The following ZNF277 variants were observed in gnomAD, a reference collection of about 807,000 sequenced individuals.
ZNF277 encodes zinc finger protein 277, also known as nuclear receptor-interacting factor 4.
A neutral mutation model predicts 60.7 loss-of-function variants in ZNF277; 55 were observed. The observed-to-expected ratio is 0.91, with a 90% CI of 0.73 to 1.13. The LOEUF (loss-of-function observed/expected upper bound fraction) is 1.13, where lower values mean the gene tolerates loss of function less well. ZNF277 is among the 50% of genes most tolerant of loss of function. ZNF277 has a pLI of 0.00. For synonymous variants in ZNF277, 178 were observed against 179.3 expected (o/e 0.99, Z 0.06); for missense variants, 510 against 523.0 (o/e 0.98, Z 0.24).
chr7:112,232,066 T>C (rs866920536), intron 1 of ZNF277, among the ~76,000 whole-genome samples: 2 of 57,404 alleles, frequency 3.5e-5, no homozygotes, highest in East Asian at 5.5e-4. Flanking sequence ...TATATATATA[T>C]ATATATATAT....
chr7:112,334,001 T>G (rs939338709), intron 7 of ZNF277, among the ~76,000 whole-genome samples: 2 of 152,248 alleles, frequency 1.3e-5, no homozygotes, highest in Admixed American at 1.3e-4. Flanking sequence ...GGTTTTGCTA[T>G]GATTTTTATC....
At chr7:112,257,009 T>C (rs1401860870) in intron 1 of ZNF277, among the ~76,000 whole-genome samples, 1 of 152,182 alleles carries the variant, frequency 6.6e-6, no homozygotes. Flanking sequence ...TGGAAACATC[T>C]CAGAAAATAT....
chr7:112,210,538 C>T (rs1821715307), intron 1 of ZNF277, among the ~76,000 whole-genome samples: 1 of 147,856 alleles, frequency 6.8e-6, no homozygotes, highest in Non-Finnish European at 1.5e-5. Flanking sequence ...GTGGCACGAT[C>T]TCAGCTCACT....
At chr7:112,287,177 G>T (rs1004199650) in intron 2 of ZNF277, 103 bp downstream of exon 2, 5 of 1,177,776 alleles carry the variant, frequency 4.2e-6, no homozygotes, top group African/African-American at 1.5e-5. Flanking sequence ...AGGATCACCC[G>T]AGGCCAGTAG....
intron 1 of ZNF277, among the ~76,000 whole-genome samples, chr7:112,229,079 TG>T (rs1294269308): frequency 6.6e-6 from 1 of 152,202 alleles, no homozygotes; most frequent in Non-Finnish European, 1.5e-5. Flanking sequence ...TGTTTGTTAG[TG>T]ACATGGAAAG....
At chr7:112,230,165 G>A (rs1211156697) in intron 1 of ZNF277, among the ~76,000 whole-genome samples, 2 of 151,972 alleles carry the variant, frequency 1.3e-5, no homozygotes, top group African/African-American at 2.4e-5. Context: ...AGTGGCTCAC[G>A]CCTGTAATCT....
chr7:112,338,741 T>C (rs1311364864), intron 9 of ZNF277, among the ~76,000 whole-genome samples: 2 of 152,244 alleles, frequency 1.3e-5, no homozygotes, highest in Non-Finnish European at 2.9e-5. Flanking sequence ...TGTGTTTAGA[T>C]TTAATTCATA....
chr7:112,287,996 C>T (rs1792112913), intron 2 of ZNF277: 1 of 151,540 alleles, frequency 6.6e-6, no homozygotes, highest in Non-Finnish European at 1.5e-5. Context: ...TTATTGATGT[C>T]TCCCAGATTA....
chr7:112,334,140 CTCTT>C (rs540100327), intron 7 of ZNF277, among the ~76,000 whole-genome samples: 122 of 152,212 alleles, frequency 8.0e-4, no homozygotes, highest in Non-Finnish European at 1.3e-3. Flanking sequence ...TAAAACACTT[CTCTT>C]TCTGTTTCTG....
At chr7:112,258,383 A>G (rs1177022531) in intron 1 of ZNF277, among the ~76,000 whole-genome samples, 1 of 151,288 alleles carries the variant, frequency 6.6e-6, no homozygotes, top group African/African-American at 2.4e-5. Flanking sequence ...TTTTTAGTAC[A>G]TACCTTGTAT....
intron 7 of ZNF277, among the ~76,000 whole-genome samples, chr7:112,333,920 A>G (rs7810734): frequency 0.052 from 7,860 of 152,254 alleles, 285 homozygotes; most frequent in Admixed American, 0.12. Flanking sequence ...CAGACTGTTT[A>G]ACATCGAGGC....
chr7:112,315,155 A>G (rs1792815861), intron 4 of ZNF277, among the ~76,000 whole-genome samples: 1 of 152,018 alleles, frequency 6.6e-6, no homozygotes, highest in East Asian at 1.9e-4. Flanking sequence ...AACAAACCCT[A>G]CCAGATGAAA....
At chr7:112,244,916 C>T (rs997777624) in intron 1 of ZNF277, among the ~76,000 whole-genome samples, 4 of 152,072 alleles carry the variant, frequency 2.6e-5, no homozygotes, top group Admixed American at 6.6e-5. Context: ...TAATTATGAA[C>T]GGTTTTCACA....
intron 9 of ZNF277, among the ~76,000 whole-genome samples, chr7:112,339,444 G>A (rs1793399018): frequency 6.6e-6 from 1 of 152,124 alleles, no homozygotes; most frequent in African/African-American, 2.4e-5. Flanking sequence ...TCAGCCTTCT[G>A]AGTAGCTGGG....
intron 9 of ZNF277, among the ~76,000 whole-genome samples, chr7:112,338,786 G>A (rs1470675402): frequency 6.6e-6 from 1 of 152,212 alleles, no homozygotes; most frequent in Non-Finnish European, 1.5e-5. Context: ...GGCAGCCTTA[G>A]TATGCCTATC....
intron 1 of ZNF277, among the ~76,000 whole-genome samples, chr7:112,247,680 A>G (rs1791114836): frequency 6.6e-6 from 1 of 152,118 alleles, no homozygotes; most frequent in Non-Finnish European, 1.5e-5. Flanking sequence ...TTGTAACATA[A>G]TAGGCATCCA....
chr7:112,221,202 C>T (rs1164929055), intron 1 of ZNF277, among the ~76,000 whole-genome samples: 1 of 152,102 alleles, frequency 6.6e-6, no homozygotes, highest in East Asian at 1.9e-4. Context: ...TGGGTTCATC[C>T]TAATCGAGCT....
At chr7:112,334,038 T>G (rs181980713) in intron 7 of ZNF277, among the ~76,000 whole-genome samples, 1 of 152,348 alleles carries the variant, frequency 6.6e-6, no homozygotes, top group Admixed American at 6.5e-5. Flanking sequence ...TTTTTTATTC[T>G]TAAAGTATAC....
At position 112,342,810 on chromosome 7, in the gene ZNF277, A is replaced by G. The variant is rs1434792970; in HGVS notation, c.*81A>G. On this transcript the variant is annotated 3_prime_UTR_variant, in exon 12 of 12. Transcript: ENST00000361822. ...CCTATGAGACAGATATGAAAGAACA[A>G]TTTAAATTTGAACATCAACAAAAGA... 2 of 1,162,966 alleles carry G rather than the reference A, an allele frequency of 1.7e-6. No homozygotes were observed. The highest frequency in any genetic ancestry group is 6.4e-4 in the Middle Eastern group (2 of 3,136). The allele number at this position is 1,162,966 out of a possible 1,614,324, so 72.0% of individuals were successfully genotyped here.
Sources: allele counts gnomAD v4.1 joint callset (sites outside exome capture counted in the v4.1 genomes callset), GRCh38; gene constraint gnomAD v4.1.1; transcripts MANE v1.5; gene names NCBI Gene and HGNC (gene_info 2026-07-23, HGNC 2026-07-21).